The following SHISA6 variants were observed in gnomAD, a reference collection of about 807,000 sequenced individuals.
SHISA6 encodes shisa family member 6.
In SHISA6, 22 loss-of-function variants were observed where a neutral mutation model predicts 47.9. That is an observed-to-expected ratio of 0.46 (90% confidence interval 0.33 to 0.66). SHISA6 has a LOEUF of 0.66. Among genes scored for constraint, SHISA6 ranks in the 30% least tolerant of loss-of-function variants. The pLI is 0.02. For synonymous variants in SHISA6, 388 were observed against 337.8 expected (o/e 1.15, Z -1.63); for missense variants, 680 against 764.6 (o/e 0.89, Z 1.30).
chr17:11,330,488 G>GA, intron 2 of SHISA6, among the ~76,000 whole-genome samples: 1 of 47,824 alleles, frequency 2.1e-5, no homozygotes, highest in Non-Finnish European at 5.0e-5. Flanking sequence ...AGTAATGCTA[G>GA]GGAGAGAGAG....
intron 3 of SHISA6, among the ~76,000 whole-genome samples, chr17:11,400,888 C>T (rs1913748880): frequency 1.3e-5 from 2 of 152,204 alleles, no homozygotes; most frequent in Non-Finnish European, 2.9e-5. Flanking sequence ...CTTTATGGTT[C>T]TATACAAGTC....
Position 11,487,751 on chromosome 17 carries a change from T to A in SHISA6, c.896-64145T>A, listed in dbSNP as rs565468333. 2.4e-4 allele frequency among the ~76,000 whole-genome samples: 36 copies of A among 152,332 alleles called. 2 individuals are homozygous for A. The South Asian group carries it at 3.5e-3, about 15-fold the overall frequency. ...TCCAGTCTGTCAATCTCTTTTGAGT[T>A]CCAGCTTGGAATGAAATTAGCTTGC... On this transcript the variant is annotated intron_variant, in intron 3 of 5. Transcript: ENST00000441885.
chr17:11,473,778 A>G (rs933381904), intron 3 of SHISA6, among the ~76,000 whole-genome samples: 1 of 152,056 alleles, frequency 6.6e-6, no homozygotes, highest in Admixed American at 6.5e-5. Context: ...TTCAGGATAC[A>G]TGTGCAGATT....
intron 3 of SHISA6, among the ~76,000 whole-genome samples, chr17:11,450,995 T>C (rs1238304367): frequency 8.1e-6 from 1 of 123,060 alleles, no homozygotes; most frequent in Non-Finnish European, 1.8e-5. Context: ...AATAGAAAAT[T>C]AAAAAAAAAA....
At chr17:11,244,846 G>A (rs1246305623) in intron 1 of SHISA6, among the ~76,000 whole-genome samples, 1 of 152,166 alleles carries the variant, frequency 6.6e-6, no homozygotes, top group Non-Finnish European at 1.5e-5. Flanking sequence ...ATGATAGGTG[G>A]GCAGACAGGG....
chr17:11,302,347 C>G (rs1020476552), intron 2 of SHISA6, among the ~76,000 whole-genome samples: 2 of 152,150 alleles, frequency 1.3e-5, no homozygotes, highest in East Asian at 1.9e-4. Context: ...CTAAGTTTGT[C>G]CAGTATAAAG....
intron 1 of SHISA6, among the ~76,000 whole-genome samples, chr17:11,260,507 G>A (rs1445478809): frequency 2.0e-5 from 3 of 151,734 alleles, no homozygotes; most frequent in East Asian, 1.9e-4. Context: ...CTTCCCCTCC[G>A]AATGTCTCTC....
In SHISA6 at chr17:11,384,601, G is replaced by A. The variant is rs553909946; in HGVS notation, c.895+5092G>A. ...CATTTCAATATTGTCAATTCCAGTC[G>A]TTTCCACTGGGATATCCCTGGCCAC... On this transcript the variant is annotated intron_variant, in intron 3 of 5. Coordinates refer to ENST00000441885, the MANE Select transcript of SHISA6 (RefSeq NM_207386.4). Among the ~76,000 whole-genome samples the A allele has an allele frequency of 1.2e-4, 18 of 152,298 alleles. No individual in the cohort carries two copies. The South Asian group carries it at 1.2e-3, about 11-fold the overall frequency.
chr17:11,511,303 G>T (rs1011514478), intron 3 of SHISA6, among the ~76,000 whole-genome samples: 1 of 152,058 alleles, frequency 6.6e-6, no homozygotes, highest in African/African-American at 2.4e-5. Context: ...GGGGGCAAGG[G>T]GAGGGAGAGC....
intron 3 of SHISA6, among the ~76,000 whole-genome samples, chr17:11,413,339 C>CTT (rs1302921336): frequency 6.6e-6 from 1 of 152,194 alleles, no homozygotes; most frequent in African/African-American, 2.4e-5. Flanking sequence ...AACAAGATGT[C>CTT]TGTGTTCACC....
At chr17:11,347,172 G>A (rs1184041687) in intron 2 of SHISA6, among the ~76,000 whole-genome samples, 1 of 151,644 alleles carries the variant, frequency 6.6e-6, no homozygotes, top group African/African-American at 2.4e-5. Context: ...TGGAACTAGA[G>A]TTGGGCATCA....
chr17:11,512,813 G>C (rs563753498), intron 3 of SHISA6, among the ~76,000 whole-genome samples: 1 of 151,800 alleles, frequency 6.6e-6, no homozygotes, highest in African/African-American at 2.4e-5. Flanking sequence ...GCATAAATTT[G>C]TTAATGATCT....
chr17:11,481,199 A>G (rs1916204262), intron 3 of SHISA6, among the ~76,000 whole-genome samples: 1 of 151,856 alleles, frequency 6.6e-6, no homozygotes. Flanking sequence ...GACTTATTTG[A>G]ACCCGGGAGG....
At chr17:11,520,212 A>G (rs1372483220) in intron 3 of SHISA6, among the ~76,000 whole-genome samples, 1 of 152,206 alleles carries the variant, frequency 6.6e-6, no homozygotes, top group Non-Finnish European at 1.5e-5. Context: ...TAATGTGTTC[A>G]AAATGGAACT....
At chr17:11,359,917 A>C (rs1318072751) in intron 2 of SHISA6, among the ~76,000 whole-genome samples, 1 of 152,224 alleles carries the variant, frequency 6.6e-6, no homozygotes, top group Non-Finnish European at 1.5e-5. Flanking sequence ...ATGATTCCTC[A>C]AGGATCTAGA....
At chr17:11,363,677 G>A (rs1343667056) in intron 2 of SHISA6, among the ~76,000 whole-genome samples, 2 of 152,102 alleles carry the variant, frequency 1.3e-5, no homozygotes, top group East Asian at 1.9e-4. Flanking sequence ...GGTGGGACTC[G>A]ACTTCAGACC....
intron 3 of SHISA6, among the ~76,000 whole-genome samples, chr17:11,433,754 C>T (rs1030160091): frequency 6.6e-6 from 1 of 152,120 alleles, no homozygotes; most frequent in Admixed American, 6.6e-5. Context: ...AGAGAATCCA[C>T]TTGTAAGAGA....
At chr17:11,537,776 A>C (rs1270991112) in intron 3 of SHISA6, among the ~76,000 whole-genome samples, 2 of 152,222 alleles carry the variant, frequency 1.3e-5, no homozygotes, top group African/African-American at 4.8e-5. Context: ...AAGGAGCCTA[A>C]GAAATATTGT....
At chr17:11,550,492 C>T (rs1220148102) in intron 3 of SHISA6, among the ~76,000 whole-genome samples, 1 of 152,072 alleles carries the variant, frequency 6.6e-6, no homozygotes, top group East Asian at 1.9e-4. Context: ...GAAATCTTGA[C>T]AAAAAGGTCT....
Sources: allele counts gnomAD v4.1 joint callset (sites outside exome capture counted in the v4.1 genomes callset), GRCh38; gene constraint gnomAD v4.1.1; transcripts MANE v1.5; gene names NCBI Gene and HGNC (gene_info 2026-07-23, HGNC 2026-07-21).